Variants in TEX14 observed in about 807,000 individuals in gnomAD.
The protein encoded by TEX14 is testis expressed 14, intercellular bridge forming factor.
Under a neutral mutation model 178.6 loss-of-function variants are expected in TEX14, and 168 were observed. The ratio of observed to expected loss-of-function variants is 0.94; its 90% CI spans 0.83 to 1.07. The LOEUF is 1.07. Among genes scored for constraint, TEX14 ranks in the 50% least tolerant of loss-of-function variants. The probability of loss-of-function intolerance (pLI) is 0.00; values close to 1 mark genes in which losing one functional copy is unlikely to be tolerated. For synonymous variants in TEX14, 626 were observed against 634.1 expected (o/e 0.99, Z 0.19); for missense variants, 1,730 against 1,753.6 (o/e 0.99, Z 0.24).
intron 1 of TEX14, among the ~76,000 whole-genome samples, chr17:58,663,903 G>A (rs1269977760): frequency 6.6e-6 from 1 of 152,062 alleles, no homozygotes; most frequent in Non-Finnish European, 1.5e-5. Context: ...TTAGGCCAGG[G>A]GCAGTGGCTC....
chr17:58,568,623 C>T (rs899888225), intron 26 of TEX14, among the ~76,000 whole-genome samples: 2 of 152,228 alleles, frequency 1.3e-5, no homozygotes, highest in Admixed American at 6.5e-5. Context: ...CATTTACTTT[C>T]AGCATCAGAC....
chr17:58,556,952 G>T lies in TEX14; in HGVS notation c.*59C>A. 7.3e-7 allele frequency: 1 copy of T among 1,361,588 alleles called. No homozygotes were observed. The highest frequency in any genetic ancestry group is 2.3e-5 in the East Asian group (1 of 43,736). The allele number at this position is 1,361,588 out of a possible 1,614,324, so 84.3% of individuals were successfully genotyped here. A position where few individuals can be genotyped will look rare whatever the true frequency, so the allele number is the denominator to read the frequency against. ...CAACTGAAGCAGAAAGAGAAGAAAGGAGCTTACAACCAGGACACTCAAACT... is the reference window on the plus strand; with the variant it reads ...CAACTGAAGCAGAAAGAGAAGAAAGTAGCTTACAACCAGGACACTCAAACT... On this transcript the variant is annotated 3_prime_UTR_variant, in exon 32 of 32. Coordinates refer to ENST00000349033, the MANE Select transcript of TEX14 (RefSeq NM_031272.5).
intron 1 of TEX14, among the ~76,000 whole-genome samples, chr17:58,663,819 T>A (rs2047161171): frequency 6.6e-6 from 1 of 152,104 alleles, no homozygotes; most frequent in African/African-American, 2.4e-5. Context: ...ATCCATTCAC[T>A]CCTGAAACAC....
chr17:58,623,997 A>G (rs2046070312), intron 3 of TEX14, among the ~76,000 whole-genome samples: 1 of 152,222 alleles, frequency 6.6e-6, no homozygotes, highest in African/African-American at 2.4e-5. Context: ...AGAATACACT[A>G]AACAGGCCGG....
intron 19 of TEX14, among the ~76,000 whole-genome samples, chr17:58,580,166 T>C (rs889479597): frequency 2.6e-5 from 4 of 152,210 alleles, no homozygotes; most frequent in Non-Finnish European, 4.4e-5. Context: ...TTTTGGGGAC[T>C]AGTAATGTTT....
intron 1 of TEX14, among the ~76,000 whole-genome samples, chr17:58,689,612 T>C (rs1007755340): frequency 3.3e-5 from 5 of 152,194 alleles, no homozygotes; most frequent in Non-Finnish European, 5.9e-5. Context: ...ATATAAACCA[T>C]TTCAAATGAC....
At chr17:58,613,706 T>C (rs2045803613) in intron 8 of TEX14, among the ~76,000 whole-genome samples, 162 bp from the exon 9 acceptor site, 1 of 152,016 alleles carries the variant, frequency 6.6e-6, no homozygotes, top group African/African-American at 2.4e-5. Flanking sequence ...TATTGCCCAG[T>C]CTGGAGTGCA....
At chr17:58,626,266 A>G (rs2046137773) in intron 3 of TEX14, among the ~76,000 whole-genome samples, 2 of 152,126 alleles carry the variant, frequency 1.3e-5, no homozygotes, top group South Asian at 4.1e-4. Context: ...CACTGAGCGT[A>G]TAGGAATAAA....
chr17:58,622,791 C>G, intron 4 of TEX14, 56 bp downstream of exon 4: 1 of 1,522,620 alleles, frequency 6.6e-7, no homozygotes, highest in Non-Finnish European at 9.0e-7. Flanking sequence ...GGGAGCCTGA[C>G]TCTCAGCCCA....
chr17:58,615,271 C>CA lies in TEX14; in HGVS notation c.841_842insT (p.Arg281LeufsTer54), dbSNP rs1335121669. 6.2e-7 allele frequency: 1 copy of CA among 1,613,672 alleles called. No individual in the cohort carries two copies. Among genetic ancestry groups the CA allele is most frequent in the African/African-American group, 1.3e-5 (1 of 74,910 alleles). On this transcript the variant is annotated frameshift_variant, in exon 8 of 32. Transcript: ENST00000349033. LOFTEE classifies it high-confidence loss of function. ...CTCGGCAATTAACAAGTCGGCCAGC[C>CA]GCAGCCTGCTGCAGTGTGGGTGGGT... is the stretch of plus-strand genomic sequence containing the variant.
Position 58,565,889 on chromosome 17 carries a change from G to C in TEX14, c.3887-65C>G, listed in dbSNP as rs1401944160. 3.1e-6 allele frequency: 4 copies of C among 1,302,326 alleles called. No individual in the cohort carries two copies. In the African/African-American group the frequency reaches 5.8e-5, roughly 19 times the overall value. The allele number at this position is 1,302,326 out of a possible 1,614,324, so 80.7% of individuals were successfully genotyped here. On this transcript the variant is annotated intron_variant, in intron 26 of 31. Coordinates refer to ENST00000349033, the MANE Select transcript of TEX14 (RefSeq NM_031272.5). ...CTTGCGTGTCCTGCCGTTCTCTAGA[G>C]CAGTGGTTCTCCAAGGGTGATCCTT...
Position 58,564,786 on chromosome 17 carries a change from CTTAT to C in TEX14, c.4064+79_4064+82del, listed in dbSNP as rs947737499. ...AAAAAAGACCCCACTTTTTTTCTTT[CTTAT>C]TTGTCAATATTAGAAAAAAACCTAA... On this transcript the variant is annotated intron_variant, in intron 28 of 31. Transcript: ENST00000349033. 3 of 796,446 alleles carry C rather than the reference CTTAT, an allele frequency of 3.8e-6. No homozygotes were observed. The African/African-American group carries it at 5.4e-5, about 14-fold the overall frequency. The allele number at this position is 796,446 out of a possible 1,614,324, so 49.3% of individuals were successfully genotyped here.
rs768900859 is a variant in TEX14, at chr17:58,630,566, A to G, written c.137-12T>C. ...ATCAACATAAATTCCTGCAAAGGAA[A>G]TATCAGAATCAATGCAAATATCAGA... is the stretch of plus-strand genomic sequence containing the variant. On this transcript the variant is annotated splice_polypyrimidine_tract_variant and intron_variant, in intron 2 of 31. Coordinates refer to ENST00000349033, the MANE Select transcript of TEX14 (RefSeq NM_031272.5). 3 of 1,586,948 alleles carry G rather than the reference A, an allele frequency of 1.9e-6. No individual in the cohort carries two copies. The highest frequency in any genetic ancestry group is 2.2e-5 in the East Asian group (1 of 44,744).
chr17:58,570,557 C>T, intron 24 of TEX14, 73 bp from the exon 25 acceptor site: 1 of 1,048,474 alleles, frequency 9.5e-7, no homozygotes, highest in South Asian at 1.7e-5. Context: ...TCAGTCATTT[C>T]CAGTTGTTTT....
At position 58,670,771 on chromosome 17, in the gene TEX14, T is replaced by TCAAAAAAAAAAAAAAAAAAA. The variant is rs1598432610; in HGVS notation, c.-1-18770_-1-18769insTTTTTTTTTTTTTTTTTTTG. Reference sequence around the variant, plus strand: ...CTGGGCGACAGAGTGAGACTCCCTCTTAAAAAAAAAAAAAAAAAAAAAAAA... The same window carrying TCAAAAAAAAAAAAAAAAAAA: ...CTGGGCGACAGAGTGAGACTCCCTCTCAAAAAAAAAAAAAAAAAAATAAAAAAAAAAAAAAAAAAAAAAAA... On this transcript the variant is annotated intron_variant, in intron 1 of 31. Transcript: ENST00000349033. Among the ~76,000 whole-genome samples, 6 of 7,956 alleles carry TCAAAAAAAAAAAAAAAAAAA rather than the reference T, an allele frequency of 7.5e-4. 3 individuals carry two copies. Among genetic ancestry groups the TCAAAAAAAAAAAAAAAAAAA allele is most frequent in the South Asian group, 0.024 (2 of 82 alleles). The allele number at this position is 7,956 out of a possible 152,430, so 5.2% of individuals were successfully genotyped here. A position where few individuals can be genotyped will look rare whatever the true frequency, so the allele number is the denominator to read the frequency against.
chr17:58,571,235 CTTTTTT>C (rs11456555), intron 24 of TEX14, among the ~76,000 whole-genome samples: 1 of 127,260 alleles, frequency 7.9e-6, no homozygotes, highest in Admixed American at 8.6e-5. Context: ...CTTTTCTTTT[CTTTTTT>C]TTTTTTTTTT....
intron 1 of TEX14, among the ~76,000 whole-genome samples, chr17:58,671,751 G>A (rs1260087822): frequency 6.6e-6 from 1 of 152,022 alleles, no homozygotes; most frequent in East Asian, 1.9e-4. Flanking sequence ...TCGTTTTCTT[G>A]TTCTATTTTC....
At chr17:58,641,441 G>T (rs1480801785) in intron 2 of TEX14, among the ~76,000 whole-genome samples, 1 of 151,372 alleles carries the variant, frequency 6.6e-6, no homozygotes, top group African/African-American at 2.4e-5. Context: ...AGCCAACCAG[G>T]CTGCTGTGCC....
At chr17:58,647,416 C>T (rs2046735870) in intron 2 of TEX14, among the ~76,000 whole-genome samples, 2 of 151,138 alleles carry the variant, frequency 1.3e-5, no homozygotes, top group South Asian at 4.2e-4. Flanking sequence ...CCTGTAGTCC[C>T]AGCTACTCGG....
Sources: allele counts gnomAD v4.1 joint callset (sites outside exome capture counted in the v4.1 genomes callset), GRCh38; gene constraint gnomAD v4.1.1; transcripts MANE v1.5; gene names NCBI Gene and HGNC (gene_info 2026-07-23, HGNC 2026-07-21).